The following KAZN variants were observed in gnomAD, a reference collection of about 807,000 sequenced individuals.
KAZN encodes kazrin, periplakin interacting protein, also known as kazrin.
Under a neutral mutation model 87.4 loss-of-function variants are expected in KAZN, and 40 were observed. The observed-to-expected ratio is 0.46, with a 90% CI of 0.36 to 0.60. The LOEUF is 0.60. KAZN is among the 20% of genes least tolerant of loss of function. KAZN has a pLI of 0.00. For missense variants in KAZN, 898 were observed against 1,073.9 expected, an observed-to-expected ratio of 0.84 and a Z score of 2.29; for synonymous variants, 466 against 458.3, an observed-to-expected ratio of 1.02 and a Z score of -0.22.
intron 2 of KAZN, among the ~76,000 whole-genome samples, chr1:14,217,738 G>C (rs146725382): frequency 6.6e-6 from 1 of 152,150 alleles, no homozygotes; most frequent in Admixed American, 6.5e-5. Flanking sequence ...CCAACACTGA[G>C]AGAAAGTTAA....
At chr1:14,553,992 G>A (rs961950162) in intron 2 of KAZN, among the ~76,000 whole-genome samples, 2 of 152,186 alleles carry the variant, frequency 1.3e-5, no homozygotes, top group Non-Finnish European at 1.5e-5. Flanking sequence ...CTGAACCCAA[G>A]CTTCTGGGAA....
At chr1:14,457,003 C>T (rs371522014) in intron 2 of KAZN, among the ~76,000 whole-genome samples, 94 of 152,300 alleles carry the variant, frequency 6.2e-4, no homozygotes, top group African/African-American at 2.1e-3. Flanking sequence ...TCGCTTGAAC[C>T]CGGGAGGCGG....
At chr1:14,413,985 G>A (rs921874137) in intron 2 of KAZN, among the ~76,000 whole-genome samples, 1 of 152,160 alleles carries the variant, frequency 6.6e-6, no homozygotes, top group South Asian at 2.1e-4. Context: ...GTAAAACAAG[G>A]AGATCTTTTC....
intron 2 of KAZN, among the ~76,000 whole-genome samples, chr1:14,971,742 C>CAGT (rs1665072585): frequency 7.2e-6 from 1 of 139,292 alleles, no homozygotes; most frequent in Non-Finnish European, 1.5e-5. Context: ...AATGCAGTGG[C>CAGT]GCGATCTCTG....
At chr1:14,687,751 TC>T (rs1641038774) in intron 1 of KAZN, among the ~76,000 whole-genome samples, 3 of 152,218 alleles carry the variant, frequency 2.0e-5, no homozygotes, top group Admixed American at 2.0e-4. Flanking sequence ...GGATGATTTA[TC>T]GGGGCAATAA....
intron 12 of KAZN, among the ~76,000 whole-genome samples, 157 bp downstream of exon 12, chr1:15,103,617 G>T (rs1484670597): frequency 2.0e-5 from 3 of 151,944 alleles, no homozygotes; most frequent in Admixed American, 6.5e-5. Flanking sequence ...CCCTTTGTGT[G>T]GGCTGGAGCA....
At position 14,253,472 on chromosome 1, in the gene KAZN, T is replaced by C. The variant is rs115788279; in HGVS notation, c.249+72880T>C. On this transcript the variant is annotated intron_variant, in intron 2 of 16. Transcript: ENST00000636203. Reference sequence around the variant, plus strand: ...GTTAATGGCTACTAATGGGTTAATATATAATTGTCCATAGGACTATTTGCA... The same window carrying C: ...GTTAATGGCTACTAATGGGTTAATACATAATTGTCCATAGGACTATTTGCA... Among the ~76,000 whole-genome samples, 899 of 152,338 alleles carry C rather than the reference T, an allele frequency of 5.9e-3. 11 individuals are homozygous for C. Among genetic ancestry groups the C allele is most frequent in the African/African-American group, 0.021 (867 of 41,580 alleles).
chr1:14,481,130 T>G (rs950956761), intron 2 of KAZN, among the ~76,000 whole-genome samples: 1 of 151,956 alleles, frequency 6.6e-6, no homozygotes, highest in Non-Finnish European at 1.5e-5. Context: ...TCTCACATGG[T>G]CAGGAGAGGG....
chr1:14,693,729 C>T (rs544095664), intron 1 of KAZN, among the ~76,000 whole-genome samples: 2 of 152,196 alleles, frequency 1.3e-5, no homozygotes, highest in Admixed American at 6.5e-5. Context: ...CAGAGGCACC[C>T]GTTTTTCTTG....
rs770410666 is a variant in KAZN, at chr1:14,856,618, A to AT, written c.227-104065dup. On this transcript the variant is annotated intron_variant, in intron 1 of 14. Transcript: ENST00000376030. This position sits in a 1 kb window ranked among gnomAD's most constrained non-coding sequence, Gnocchi z 5.2. The stretch of plus-strand genomic sequence containing the variant: ...GTAGCTCAACAATTCACTAAGTGTG[A>AT]TGCAGCCACACATTCTTTGGGTTTT... Among the ~76,000 whole-genome samples, 176 of 152,346 alleles carry AT rather than the reference A, an allele frequency of 1.2e-3. 1 individual carries two copies. In the Middle Eastern group the frequency reaches 0.014, roughly 12 times the overall value.
At chr1:13,980,125 A>C (rs1638590579) in intron 1 of KAZN, among the ~76,000 whole-genome samples, 2 of 152,124 alleles carry the variant, frequency 1.3e-5, no homozygotes, top group South Asian at 4.1e-4. Context: ...CTCTAGGTTA[A>C]CTGCTAAGAC....
At chr1:14,709,527 C>A (rs1389220903) in intron 1 of KAZN, among the ~76,000 whole-genome samples, 1 of 152,088 alleles carries the variant, frequency 6.6e-6, no homozygotes, top group African/African-American at 2.4e-5. Flanking sequence ...CTAAGAAGGA[C>A]CAAGTGCTTC....
chr1:14,951,895 T>C lies in KAZN; in HGVS notation c.227-8789T>C, dbSNP rs575988742. Among the ~76,000 whole-genome samples the C allele has an allele frequency of 3.3e-5, 5 of 152,292 alleles. 1 individual carries two copies. The highest frequency in any genetic ancestry group is 9.6e-5 in the African/African-American group (4 of 41,538). ...ACCTGATTTGGGCCCAACTCAATAA[T>C]AGCAAGAGTGGTGGCCAAGGGAGCA... is the stretch of plus-strand genomic sequence containing the variant. On this transcript the variant is annotated intron_variant, in intron 1 of 14. Transcript: ENST00000376030.
chr1:14,223,144 T>A (rs1203045296), intron 2 of KAZN: 1 of 152,184 alleles, frequency 6.6e-6, no homozygotes, highest in Non-Finnish European at 1.5e-5. Context: ...TGTTGGATGG[T>A]GGAAGAGCTC....
chr1:14,512,777 A>C (rs1670983645), intron 2 of KAZN, among the ~76,000 whole-genome samples: 1 of 152,122 alleles, frequency 6.6e-6, no homozygotes, highest in Admixed American at 6.5e-5. Flanking sequence ...ATAAAGTCAA[A>C]GAGCAGATTT....
intron 1 of KAZN, among the ~76,000 whole-genome samples, chr1:14,657,367 G>A (rs1158057314): frequency 6.6e-6 from 1 of 152,224 alleles, no homozygotes; most frequent in Non-Finnish European, 1.5e-5. Flanking sequence ...ATAGGCGTGA[G>A]CCACCATGCC....
At chr1:14,580,486 A>G (rs942354458) in intron 2 of KAZN, among the ~76,000 whole-genome samples, 8 of 133,958 alleles carry the variant, frequency 6.0e-5, no homozygotes, top group Non-Finnish European at 5.1e-5. Context: ...AAATAAATAA[A>G]TAAATAAATA....
chr1:14,182,257 T>C (rs998928048), intron 2 of KAZN, among the ~76,000 whole-genome samples: 1 of 152,194 alleles, frequency 6.6e-6, no homozygotes, highest in Non-Finnish European at 1.5e-5. Context: ...GATATTCTCC[T>C]AAGTCATATG....
At chr1:15,053,615 G>A (rs1305104800) in intron 4 of KAZN, among the ~76,000 whole-genome samples, 1 of 152,192 alleles carries the variant, frequency 6.6e-6, no homozygotes, top group Non-Finnish European at 1.5e-5. Context: ...GGGCTTAAGG[G>A]AAACCACACT....
Sources: gnomAD v4.1 joint callset for allele counts (sites outside exome capture counted in the v4.1 genomes callset) on GRCh38, gnomAD v4.1.1 for gene constraint, Gnocchi (gnomAD v3.1) non-coding constraint, MANE v1.5 for transcripts, NCBI Gene and HGNC (gene_info 2026-07-23, HGNC 2026-07-21) for gene names.